The following PRPF39 variants were observed in gnomAD, a reference collection of about 807,000 sequenced individuals.
PRPF39 encodes pre-mRNA-processing factor 39.
In PRPF39, 27 loss-of-function variants were observed where a neutral mutation model predicts 82.1. The observed-to-expected ratio is 0.33, with a 90% CI of 0.24 to 0.45. The LOEUF (loss-of-function observed/expected upper bound fraction) is 0.45. Among genes scored for constraint, PRPF39 ranks in the 20% least tolerant of loss-of-function variants. The pLI, the probability that PRPF39 is intolerant of heterozygous loss-of-function variation, is 1.00. For synonymous variants in PRPF39, 261 were observed against 256.4 expected (o/e 1.02, Z -0.17); for missense variants, 581 against 796.9 (o/e 0.73, Z 3.26).
intron 5 of PRPF39, among the ~76,000 whole-genome samples, chr14:45,106,129 C>A (rs1435253520): frequency 1.3e-5 from 2 of 151,794 alleles, no homozygotes; most frequent in Non-Finnish European, 2.9e-5. Flanking sequence ...GCGGGTGGAT[C>A]ACCTGAGGTC....
At chr14:45,101,832 A>T (rs1884385079) in intron 4 of PRPF39, among the ~76,000 whole-genome samples, 1 of 150,032 alleles carries the variant, frequency 6.7e-6, no homozygotes. Context: ...TTTGAGACAG[A>T]GTCGCGCTCT....
intron 7 of PRPF39, 25 bp from the exon 8 acceptor site, chr14:45,109,591 T>G: frequency 6.3e-7 from 1 of 1,579,016 alleles, no homozygotes; most frequent in Non-Finnish European, 8.6e-7. Context: ...TTTACTTTCA[T>G]TGGCATGTTA....
intron 11 of PRPF39, among the ~76,000 whole-genome samples, chr14:45,113,751 C>T (rs1416793783): frequency 6.6e-6 from 1 of 152,186 alleles, no homozygotes; most frequent in African/African-American, 2.4e-5. Flanking sequence ...GCAGAGGACA[C>T]AGTGGCGGAA....
intron 6 of PRPF39, among the ~76,000 whole-genome samples, 167 bp from the exon 7 acceptor site, chr14:45,108,248 G>A (rs1010026660): frequency 2.0e-5 from 3 of 152,202 alleles, no homozygotes; most frequent in Admixed American, 6.5e-5. Context: ...TGTGTGATAA[G>A]TTTTAGTGTT....
At chr14:45,094,954 T>G (rs1379980228) in intron 1 of PRPF39, among the ~76,000 whole-genome samples, 3 of 152,200 alleles carry the variant, frequency 2.0e-5, no homozygotes, top group Non-Finnish European at 4.4e-5. Context: ...GGCAGTGTAC[T>G]TATTTGTTGT....
intron 2 of PRPF39, 80 bp from the exon 3 acceptor site, chr14:45,096,023 T>C (rs1231755144): frequency 1.6e-6 from 2 of 1,267,386 alleles, no homozygotes; most frequent in Non-Finnish European, 2.2e-6. Flanking sequence ...TTTTTTTAGA[T>C]AATAACGTTT....
intron 1 of PRPF39, 146 bp from the exon 2 acceptor site, chr14:45,095,075 A>AC: frequency 2.1e-6 from 1 of 472,484 alleles, no homozygotes; most frequent in East Asian, 3.2e-5. Flanking sequence ...AAACTAATGA[A>AC]CCTTCTGATT....
chr14:45,114,566 T>A lies in PRPF39; in HGVS notation c.1905T>A (p.Gly635=). 1.9e-6 allele frequency: 3 copies of A among 1,609,104 alleles called. No individual in the cohort carries two copies. The highest frequency in any genetic ancestry group is 2.5e-6 in the Non-Finnish European group (3 of 1,178,164). ...CATCATCTACACAGATGATTGATGG[T>A]GATTTACAGGCAAACCAAGCTGTAT... ...TTSSSTQMID[G]DLQANQAVYN... is the part of the protein sequence containing the mutation. Residue 635 remains glycine, a synonymous_variant, in exon 13 of 14, where the codon GGT becomes GGA. Transcript: ENST00000355765.
At chr14:45,094,506 C>T (rs1439339615) in intron 1 of PRPF39, among the ~76,000 whole-genome samples, 1 of 152,040 alleles carries the variant, frequency 6.6e-6, no homozygotes, top group Non-Finnish European at 1.5e-5. Context: ...CTCAGGTGAT[C>T]CTCCTGCCAC....
At position 45,109,504 on chromosome 14, in the gene PRPF39, T is replaced by A. The variant is rs570901104; in HGVS notation, c.1012-112T>A. ...AAGTTTTTTAAATTATGAAATATGA[T>A]TAAAAATTTTAATCATCAATTATAT... is the stretch of plus-strand genomic sequence containing the variant. On this transcript the variant is annotated intron_variant, in intron 7 of 13. Transcript: ENST00000355765. 1.3e-5 allele frequency: 11 copies of A among 874,948 alleles called. No individual in the cohort carries two copies. The East Asian group carries it at 3.5e-4, about 28-fold the overall frequency. 54.2% of individuals were successfully genotyped at this position (874,948 alleles called of 1,614,324 possible).
chr14:45,110,948 C>G lies in PRPF39; in HGVS notation c.1572+131C>G. On this transcript the variant is annotated intron_variant, in intron 10 of 13. Transcript: ENST00000355765. The surrounding 1 kb of genome is among the most constrained non-coding windows in gnomAD (Gnocchi z 4.0). Reference sequence around the variant, plus strand: ...TTTATTACTAAATGAGGACAACAGTCCCTCTAAACTGATGTTGCCATTTAA... The same window carrying G: ...TTTATTACTAAATGAGGACAACAGTGCCTCTAAACTGATGTTGCCATTTAA... 3 of 898,592 alleles carry G rather than the reference C, an allele frequency of 3.3e-6. No individual in the cohort carries two copies. The highest frequency in any genetic ancestry group is 4.9e-6 in the Non-Finnish European group (3 of 612,564). The allele number at this position is 898,592 out of a possible 1,614,324, so 55.7% of individuals were successfully genotyped here.
intron 11 of PRPF39, among the ~76,000 whole-genome samples, chr14:45,113,346 C>T (rs1003558222): frequency 6.6e-6 from 1 of 152,172 alleles, no homozygotes; most frequent in African/African-American, 2.4e-5. Context: ...TATTAGCTAT[C>T]TTGCAGAAAA....
chr14:45,089,696 A>G (rs373238825), intron 1 of PRPF39, among the ~76,000 whole-genome samples: 1 of 152,288 alleles, frequency 6.6e-6, no homozygotes, highest in East Asian at 1.9e-4. Context: ...AGGAGCCACT[A>G]TGCCTGGCCC....
intron 7 of PRPF39, 133 bp from the exon 8 acceptor site, chr14:45,109,481 GTT>G: frequency 1.4e-6 from 1 of 735,630 alleles, no homozygotes; most frequent in African/African-American, 1.9e-5. Context: ...AATTTTAAAA[GTT>G]TTTTAAATTA....
At chr14:45,098,006 G>A (rs144868343) in intron 4 of PRPF39, among the ~76,000 whole-genome samples, 14 of 151,988 alleles carry the variant, frequency 9.2e-5, no homozygotes, top group African/African-American at 3.4e-4. Context: ...TATCTGTTAC[G>A]GTAAGTGAGA....
chr14:45,095,778 ATAAT>A (rs1253101082), intron 2 of PRPF39: 6 of 647,566 alleles, frequency 9.3e-6, no homozygotes, highest in South Asian at 8.9e-5. Context: ...ATGTTTTGTA[ATAAT>A]TGAGGTGTAA....
intron 5 of PRPF39, among the ~76,000 whole-genome samples, chr14:45,106,167 G>A (rs543097100): frequency 6.6e-6 from 1 of 152,106 alleles, no homozygotes; most frequent in African/African-American, 2.4e-5. Context: ...CTGCCAACAA[G>A]GTGAAACCCC....
At chr14:45,089,649 G>A (rs1383608994) in intron 1 of PRPF39, among the ~76,000 whole-genome samples, 2 of 152,084 alleles carry the variant, frequency 1.3e-5, no homozygotes, top group African/African-American at 2.4e-5. Context: ...ATGGGTGATC[G>A]GCCTACTTGG....
chr14:45,095,814 A>T (rs1884180016), intron 2 of PRPF39: 1 of 537,072 alleles, frequency 1.9e-6, no homozygotes, highest in Non-Finnish European at 2.9e-6. Context: ...AAATTGCTGA[A>T]ATAAAAAGTT....
Sources: allele counts gnomAD v4.1 joint callset (sites outside exome capture counted in the v4.1 genomes callset), GRCh38; gene constraint gnomAD v4.1.1; non-coding constraint Gnocchi (gnomAD v3.1); transcripts MANE v1.5; gene names NCBI Gene and HGNC (gene_info 2026-07-23, HGNC 2026-07-21).